Variants in CNOT1 observed in about 807,000 individuals in gnomAD.
CNOT1 encodes the protein CCR4-associated factor 1.
A neutral mutation model predicts 273.8 loss-of-function variants in CNOT1; 15 were observed. That is an observed-to-expected ratio of 0.05 (90% CI 0.04 to 0.08). The LOEUF (loss-of-function observed/expected upper bound fraction) is 0.08. CNOT1 is among the 10% of genes least tolerant of loss of function. The probability of loss-of-function intolerance (pLI) is 1.00; values close to 1 mark genes in which losing one functional copy is unlikely to be tolerated. For missense variants in CNOT1, 1,644 were observed against 2,912.2 expected, an observed-to-expected ratio of 0.56 and a Z score of 10.02; for synonymous variants, 1,022 against 1,005.5, an observed-to-expected ratio of 1.02 and a Z score of -0.31.
At chr16:58,602,291 G>A (rs927983707) in intron 1 of CNOT1, among the ~76,000 whole-genome samples, 2 of 151,800 alleles carry the variant, frequency 1.3e-5, no homozygotes, top group African/African-American at 2.4e-5. Flanking sequence ...GGCTGGTCTC[G>A]AACTCCCGAC....
intron 16 of CNOT1, among the ~76,000 whole-genome samples, chr16:58,562,374 C>T (rs977688850): frequency 1.3e-5 from 2 of 151,634 alleles, no homozygotes; most frequent in African/African-American, 2.4e-5. Flanking sequence ...TGTGGTGGCA[C>T]ATGCCTGTAG....
intron 1 of CNOT1, among the ~76,000 whole-genome samples, chr16:58,627,709 G>A (rs2043644387): frequency 6.6e-6 from 1 of 151,944 alleles, no homozygotes; most frequent in South Asian, 2.1e-4. Flanking sequence ...ACCAAAAAGA[G>A]CACATTTCAA....
chr16:58,525,137 G>T, intron 46 of CNOT1, 42 bp downstream of exon 46: 1 of 1,579,610 alleles, frequency 6.3e-7, no homozygotes, highest in Non-Finnish European at 8.7e-7. Flanking sequence ...GTAGCAAAAA[G>T]CACAGAGAAC....
At chr16:58,625,408 A>T (rs972766141) in intron 1 of CNOT1, among the ~76,000 whole-genome samples, 1 of 152,208 alleles carries the variant, frequency 6.6e-6, no homozygotes, top group African/African-American at 2.4e-5. Context: ...GCTATTCAGG[A>T]GGCTGAGGCA....
At chr16:58,597,157 G>A (rs889179767) in intron 2 of CNOT1, among the ~76,000 whole-genome samples, 2 of 150,858 alleles carry the variant, frequency 1.3e-5, no homozygotes, top group African/African-American at 4.9e-5. Flanking sequence ...TTTCTAGAAA[G>A]TAGAAAGATC....
chr16:58,579,228 G>A (rs1265198195), intron 12 of CNOT1, among the ~76,000 whole-genome samples: 1 of 152,088 alleles, frequency 6.6e-6, no homozygotes, highest in East Asian at 1.9e-4. Flanking sequence ...AAAATAACAT[G>A]GGGTAGACTA....
At position 58,600,529 on chromosome 16, in the gene CNOT1, C is replaced by T. The variant is rs60811468; in HGVS notation, c.-174-1018G>A. Among the ~76,000 whole-genome samples, 944 of 152,252 alleles carry T rather than the reference C, an allele frequency of 6.2e-3. 7 individuals carry two copies. Among genetic ancestry groups the T allele is most frequent in the African/African-American group, 0.021 (877 of 41,552 alleles). On this transcript the variant is annotated intron_variant, in intron 1 of 48. Transcript: ENST00000317147. ...GACTCTCTTTCCATGGTATCTGCGA[C>T]CTATTTATAAGACACTATGTATTCA... is the stretch of plus-strand genomic sequence containing the variant.
chr16:58,575,424 T>A (rs566191435), intron 14 of CNOT1, among the ~76,000 whole-genome samples: 2 of 152,278 alleles, frequency 1.3e-5, no homozygotes, highest in South Asian at 4.1e-4. Flanking sequence ...TGAATAATTA[T>A]CCCTACCCAT....
At chr16:58,607,040 T>C (rs867960948) in intron 1 of CNOT1, among the ~76,000 whole-genome samples, 122 of 152,226 alleles carry the variant, frequency 8.0e-4, no homozygotes, top group African/African-American at 2.6e-3. Context: ...CTGTGGTATA[T>C]AGTTTGTTAA....
At chr16:58,594,013 G>A (rs2139578) in intron 2 of CNOT1, among the ~76,000 whole-genome samples, 1 of 152,024 alleles carries the variant, frequency 6.6e-6, no homozygotes, top group South Asian at 2.1e-4. Flanking sequence ...GGGAGGCCAA[G>A]GCGGGCAGAT....
rs1338606690 is a variant in CNOT1 at position 58,543,422 on chromosome 16, AAAC to A, written c.4434+182_4434+184del. 4.7e-6 allele frequency: 7 copies of A among 1,492,354 alleles called. No individual in the cohort carries two copies. The African/African-American group carries it at 5.7e-5, about 12-fold the overall frequency. 92.4% of individuals were successfully genotyped at this position (1,492,354 alleles called of 1,614,324 possible). A position where few individuals can be genotyped will look rare whatever the true frequency, so the allele number is the denominator to read the frequency against. On this transcript the variant is annotated intron_variant, in intron 31 of 48. Coordinates refer to ENST00000317147, the MANE Select transcript of CNOT1 (RefSeq NM_016284.5). ...TTGAGAATATAACAGAAAAAAAAAA[AAAC>A]ACACAGACATGATGCTTTGCCTCAC...
At chr16:58,618,294 A>G (rs747717853) in intron 1 of CNOT1, among the ~76,000 whole-genome samples, 18 of 152,062 alleles carry the variant, frequency 1.2e-4, no homozygotes, top group East Asian at 3.9e-4. Flanking sequence ...ATTAATTAAA[A>G]AGAGTTTGGC....
rs751996779 is a variant in CNOT1, at chr16:58,557,012, G to C, written c.2333-19C>G. On this transcript the variant is annotated intron_variant, in intron 18 of 48. Transcript: ENST00000317147. Reference sequence around the variant, plus strand: ...CCACCTACTAGAGAGAACGAAGGCAGCCACAAATCCTATCATTATTCATAT... The same window carrying C: ...CCACCTACTAGAGAGAACGAAGGCACCCACAAATCCTATCATTATTCATAT... The C allele has an allele frequency of 1.2e-6, 2 of 1,609,612 alleles. No homozygotes were observed. The highest frequency in any genetic ancestry group is 1.1e-5 in the South Asian group (1 of 90,258).
intron 2 of CNOT1, among the ~76,000 whole-genome samples, chr16:58,591,571 T>C (rs1311237365): frequency 6.6e-6 from 1 of 152,098 alleles, no homozygotes; most frequent in Non-Finnish European, 1.5e-5. Flanking sequence ...CTGACCAACA[T>C]GGTGAAACCC....
intron 46 of CNOT1, 46 bp from the exon 47 acceptor site, chr16:58,523,548 A>C: frequency 6.3e-7 from 1 of 1,593,932 alleles, no homozygotes; most frequent in Non-Finnish European, 8.6e-7. Flanking sequence ...TGAAAGGCCA[A>C]CATGGGAAGA....
At chr16:58,613,081 G>C (rs1037113386) in intron 1 of CNOT1, among the ~76,000 whole-genome samples, 2 of 152,076 alleles carry the variant, frequency 1.3e-5, no homozygotes, top group Non-Finnish European at 2.9e-5. Context: ...ACCTAGGCTG[G>C]AGTGCAGTGG....
rs757960419 is a variant in CNOT1 at position 58,587,852 on chromosome 16, C to T, written c.237G>A (p.Ala79=). ...TAAAATTTGGCTTTGTAATCAGCAA[C>T]GCACACTCCTGAATCAGAAACTGAG... The part of the protein sequence containing the change: ...HQTQFLIQEC[A]LLITKPNFIS... The change falls in exon 4 of 49, where the codon GCG becomes GCA. Residue 79 remains alanine (A), a synonymous_variant. Coordinates refer to ENST00000317147, the MANE Select transcript of CNOT1 (RefSeq NM_016284.5). 1.6e-5 allele frequency: 26 copies of T among 1,613,484 alleles called. No homozygotes were observed. Among genetic ancestry groups the T allele is most frequent in the East Asian group, 2.2e-5 (1 of 44,880 alleles).
Position 58,521,326 on chromosome 16 carries a change from AG to A in CNOT1, c.6918-10del. On this transcript the variant is annotated splice_polypyrimidine_tract_variant and intron_variant, in intron 47 of 48. Coordinates refer to ENST00000317147, the MANE Select transcript of CNOT1 (RefSeq NM_016284.5). ...ACCGTTCCAAGAGAACTCTGGAAAA[AG>A]GGAGAAAGAGCTAGTTAATGTATAG... 6.3e-7 allele frequency: 1 copy of A among 1,591,108 alleles called. No individual in the cohort carries two copies. The highest frequency in any genetic ancestry group is 1.2e-5 in the South Asian group (1 of 86,546).
In CNOT1 at chr16:58,599,258, G is replaced by A; in HGVS notation, c.80C>T (p.Ala27Val). 3.7e-6 allele frequency: 6 copies of A among 1,614,032 alleles called. No individual in the cohort carries two copies. Among genetic ancestry groups the A allele is most frequent in the Non-Finnish European group, 5.1e-6 (6 of 1,180,004 alleles). Residue 27 changes from alanine to valine, a missense_variant, in exon 2 of 49, where the codon GCC becomes GTC. Physicochemically the swap from Ala to Val is moderately conservative, Grantham distance 64. This residue lies in a region of CNOT1 where 706 missense variants were observed against 1,021.2 expected (regional missense o/e 0.69). Transcript: ENST00000317147. Reference protein sequence around the residue: ...VDNLTKKNYRASQQEIQHIVN... With the variant: ...VDNLTKKNYRVSQQEIQHIVN... ...TACATGCTGTATTTCCTGCTGGCTG[G>A]CTCGGTAATTTTTCTTGGTTAAATT... is the stretch of plus-strand genomic sequence containing the variant.
Sources: gnomAD v4.1 joint callset for allele counts (sites outside exome capture counted in the v4.1 genomes callset) on GRCh38, gnomAD v4.1.1 for gene constraint, gnomAD v4.1.1 regional missense constraint, MANE v1.5 for transcripts, NCBI Gene and HGNC (gene_info 2026-07-23, HGNC 2026-07-21) for gene names.